The following DSCAM variants were observed in gnomAD, a reference collection of about 807,000 sequenced individuals.
DSCAM encodes the protein DS cell adhesion molecule.
A neutral mutation model predicts 217.7 loss-of-function variants in DSCAM; 47 were observed. The ratio of observed to expected loss-of-function variants is 0.22; its 90% CI spans 0.17 to 0.28. The LOEUF (loss-of-function observed/expected upper bound fraction) is 0.28, where lower values mean the gene tolerates loss of function less well. Among genes scored for constraint, DSCAM ranks in the 10% least tolerant of loss-of-function variants. The pLI is 1.00. For missense variants in DSCAM, 2,080 were observed against 2,618.3 expected, an observed-to-expected ratio of 0.79 and a Z score of 4.49; for synonymous variants, 1,056 against 1,015.3, an observed-to-expected ratio of 1.04 and a Z score of -0.76.
chr21:40,135,739 A>G (rs1459473518), intron 18 of DSCAM, among the ~76,000 whole-genome samples: 1 of 152,244 alleles, frequency 6.6e-6, no homozygotes, highest in East Asian at 1.9e-4. Context: ...AGGTTCACAA[A>G]TGAATAGCCA....
intron 1 of DSCAM, among the ~76,000 whole-genome samples, chr21:40,741,012 T>C (rs1350964151): frequency 6.6e-6 from 1 of 152,188 alleles, no homozygotes; most frequent in Non-Finnish European, 1.5e-5. Flanking sequence ...CTGTTACACT[T>C]ACTCAGAATT....
chr21:40,508,367 A>G (rs999201102), intron 3 of DSCAM, among the ~76,000 whole-genome samples: 13 of 152,138 alleles, frequency 8.5e-5, no homozygotes, highest in Admixed American at 7.9e-4. Flanking sequence ...TTATAAATCA[A>G]AAAGAGAAGG....
At chr21:40,527,632 C>T (rs373046297) in intron 3 of DSCAM, among the ~76,000 whole-genome samples, 2 of 152,214 alleles carry the variant, frequency 1.3e-5, no homozygotes, top group East Asian at 3.8e-4. Context: ...CCTAAATTGC[C>T]AGTTCACACA....
Position 40,339,405 on chromosome 21 carries a change from G to C in DSCAM, c.1221C>G (p.Pro407=). Residue 407 remains proline, a synonymous_variant, in exon 7 of 33, where the codon CCC becomes CCG. Coordinates refer to ENST00000400454, the MANE Select transcript of DSCAM (RefSeq NM_001389.5). ...YVQVVLEDGT[P]KIISAFSEKV... ...TTTCACTAAAGGCAGAAATAATTTT[G>C]GGAGTTCCATCTGCAGGAAAACAAA... is the stretch of plus-strand genomic sequence containing the variant. The C allele has an allele frequency of 1.2e-6, 2 of 1,601,450 alleles. No homozygotes were observed. Among genetic ancestry groups the C allele is most frequent in the Non-Finnish European group, 1.7e-6 (2 of 1,173,282 alleles).
At chr21:40,312,626 C>T (rs955744347) in intron 8 of DSCAM, among the ~76,000 whole-genome samples, 1 of 152,152 alleles carries the variant, frequency 6.6e-6, no homozygotes, top group Non-Finnish European at 1.5e-5. Context: ...GAAAACATTT[C>T]AGACTATATC....
At chr21:40,763,321 C>T (rs1410506490) in intron 1 of DSCAM, among the ~76,000 whole-genome samples, 2 of 152,110 alleles carry the variant, frequency 1.3e-5, no homozygotes, top group Admixed American at 6.5e-5. Context: ...AGAACTAAAT[C>T]ATGAGTGAAC....
intron 3 of DSCAM, among the ~76,000 whole-genome samples, chr21:40,568,692 G>A (rs1383502640): frequency 6.6e-6 from 1 of 152,082 alleles, no homozygotes; most frequent in Non-Finnish European, 1.5e-5. Context: ...GGGTAGAAAG[G>A]CAAAATAAAA....
chr21:40,113,329 A>G (rs1392955204), intron 20 of DSCAM, among the ~76,000 whole-genome samples: 2 of 152,304 alleles, frequency 1.3e-5, no homozygotes, highest in East Asian at 1.9e-4. Context: ...TTATCTCAAT[A>G]GATGCAGAAA....
chr21:40,155,115 C>G (rs1601391553), intron 16 of DSCAM, among the ~76,000 whole-genome samples: 1 of 152,354 alleles, frequency 6.6e-6, no homozygotes, highest in East Asian at 1.9e-4. Flanking sequence ...GGGACACTCC[C>G]TTTTTGAATT....
At chr21:40,420,987 A>G (rs1285229955) in intron 3 of DSCAM, among the ~76,000 whole-genome samples, 1 of 152,184 alleles carries the variant, frequency 6.6e-6, no homozygotes, top group Non-Finnish European at 1.5e-5. Flanking sequence ...CAGACCCAGC[A>G]TACTAAACTA....
At position 40,179,112 on chromosome 21, in the gene DSCAM, T is replaced by C. The variant is rs756007949; in HGVS notation, c.2780-18A>G. 19 of 1,477,494 alleles carry C rather than the reference T, an allele frequency of 1.3e-5. No individual in the cohort carries two copies. In the Admixed American group the frequency reaches 3.4e-4, roughly 26 times the overall value. 91.5% of individuals were successfully genotyped at this position (1,477,494 alleles called of 1,614,324 possible). On this transcript the variant is annotated intron_variant, in intron 14 of 32. Coordinates refer to ENST00000400454, the MANE Select transcript of DSCAM (RefSeq NM_001389.5). ...CCAGGAGTCTTTTGGGTTTTGTTTT[T>C]CAAAAAAGAAGAGATAGAGACGTGA... is the stretch of plus-strand genomic sequence containing the variant.
chr21:40,846,524 A>T, intron 1 of DSCAM, 95 bp downstream of exon 1: 1 of 463,034 alleles, frequency 2.2e-6, no homozygotes, highest in South Asian at 3.8e-5. Flanking sequence ...AAAAAGAAAG[A>T]AGACTTTACC....
intron 3 of DSCAM, among the ~76,000 whole-genome samples, chr21:40,563,764 TTGTA>T (rs1446317170): frequency 8.1e-6 from 1 of 123,342 alleles, no homozygotes; most frequent in Non-Finnish European, 1.9e-5. Flanking sequence ...TTATATATGT[TTGTA>T]TGTTTATATA....
chr21:40,491,131 A>C lies in DSCAM; in HGVS notation c.509-121886T>G, dbSNP rs182896468. On this transcript the variant is annotated intron_variant, in intron 3 of 32. Coordinates refer to ENST00000400454, the MANE Select transcript of DSCAM (RefSeq NM_001389.5). ...AAGAAAGTGCAATTTTAGAGTCTAA[A>C]ATTAATTTAATTACGAACACTTCAA... is the stretch of plus-strand genomic sequence containing the variant. Among the ~76,000 whole-genome samples the C allele has an allele frequency of 9.1e-4, 138 of 152,258 alleles. 3 individuals carry two copies. Among genetic ancestry groups the C allele is most frequent in the South Asian group, 6.0e-3 (29 of 4,818 alleles).
chr21:40,075,052 G>A lies in DSCAM; in HGVS notation c.4873C>T (p.Leu1625=), dbSNP rs754542814. 10 of 1,614,166 alleles carry A rather than the reference G, an allele frequency of 6.2e-6. No individual in the cohort carries two copies. The South Asian group carries it at 7.7e-5, about 12-fold the overall frequency. ...VVRRRRREQR[L]KRLRDAKSLA... ...CTGGACCTACCTCGCAGCCTCTTTAGCCTCTGCTCCCGCCGCCTCCTCCGC... is the reference window on the plus strand; with the variant it reads ...CTGGACCTACCTCGCAGCCTCTTTAACCTCTGCTCCCGCCGCCTCCTCCGC... Residue 1625 remains leucine (L), a synonymous_variant, in exon 27 of 33, where the codon CTA becomes TTA. Coordinates refer to ENST00000400454, the MANE Select transcript of DSCAM (RefSeq NM_001389.5).
At chr21:40,708,820 G>T in intron 1 of DSCAM, 49 bp from the exon 2 acceptor site, 1 of 1,303,198 alleles carries the variant, frequency 7.7e-7, no homozygotes, top group Non-Finnish European at 1.0e-6. Flanking sequence ...ACATGCCTTT[G>T]ACATTTGCAG....
chr21:40,255,678 A>C (rs747768564), intron 11 of DSCAM, among the ~76,000 whole-genome samples: 6 of 152,358 alleles, frequency 3.9e-5, no homozygotes, highest in Non-Finnish European at 8.8e-5. Context: ...GAACAGAAGG[A>C]GAGTCAGAGA....
In DSCAM at chr21:40,708,439, C is replaced by A; in HGVS notation, c.361+15G>T. The A allele has an allele frequency of 7.0e-7, 1 of 1,427,116 alleles. No homozygotes were observed. The highest frequency in any genetic ancestry group is 9.2e-7 in the Non-Finnish European group (1 of 1,086,110). The allele number at this position is 1,427,116 out of a possible 1,614,324, so 88.4% of individuals were successfully genotyped here. A position where few individuals can be genotyped will look rare whatever the true frequency, so the allele number is the denominator to read the frequency against. On this transcript the variant is annotated intron_variant, in intron 2 of 32. Transcript: ENST00000400454. ...AAGCAGGCACAGAAAAAACAAAGCC[C>A]AGAGCTGTACTCACCAGCCTTGATG... is the stretch of plus-strand genomic sequence containing the variant.
At chr21:40,322,965 T>G (rs2074276539) in intron 8 of DSCAM, among the ~76,000 whole-genome samples, 1 of 152,188 alleles carries the variant, frequency 6.6e-6, no homozygotes, top group Non-Finnish European at 1.5e-5. Context: ...CACCAATTCA[T>G]GGGGTGATGT....
Sources: gnomAD v4.1 joint callset for allele counts (sites outside exome capture counted in the v4.1 genomes callset) on GRCh38, gnomAD v4.1.1 for gene constraint, MANE v1.5 for transcripts, NCBI Gene and HGNC (gene_info 2026-07-23, HGNC 2026-07-21) for gene names.